DSCAML1: variants seen among roughly 807,000 people sequenced by gnomAD.
DSCAML1 encodes the protein DS cell adhesion molecule like 1.
DSCAML1 carries 38 observed loss-of-function variants against 200.5 expected under a neutral mutation model. The observed-to-expected ratio is 0.19, with a 90% confidence interval of 0.15 to 0.25. The LOEUF is 0.25. Ranked by LOEUF, DSCAML1 falls within the 10% of genes least tolerant of loss-of-function variation. DSCAML1 has a pLI of 1.00. For missense variants in DSCAML1, 2,223 were observed against 2,858.8 expected (o/e 0.78, Z 5.07); for synonymous variants, 1,215 against 1,165.0 (o/e 1.04, Z -0.87).
At chr11:117,474,399 G>A (rs114005593) in intron 14 of DSCAML1, among the ~76,000 whole-genome samples, 2 of 152,094 alleles carry the variant, frequency 1.3e-5, no homozygotes, top group Non-Finnish European at 2.9e-5. Context: ...GGAATGGTTC[G>A]AGTTCTTCAA....
chr11:117,592,142 A>G (rs376173913), intron 3 of DSCAML1, among the ~76,000 whole-genome samples: 142 of 152,232 alleles, frequency 9.3e-4, no homozygotes, highest in African/African-American at 2.4e-3. Context: ...ACACTTGTCA[A>G]TGGGGCCCGC....
intron 3 of DSCAML1, among the ~76,000 whole-genome samples, chr11:117,565,976 A>C (rs1232217730): frequency 6.6e-6 from 1 of 152,142 alleles, no homozygotes; most frequent in Non-Finnish European, 1.5e-5. Context: ...CATCTCCGTG[A>C]CAAAGTGGGG....
rs571457027 is a variant in DSCAML1 at position 117,795,407 on chromosome 11, G to A, written c.46+1627C>T. On this transcript the variant is annotated intron_variant, in intron 1 of 32. Coordinates refer to ENST00000651296, the MANE Select transcript of DSCAML1 (RefSeq NM_020693.4). ...AAAGCTGCGAGCCGAGCCAGCCTGC[G>A]GGGGCGGAGGGAGGCAGGAAGAACC... 3.9e-5 allele frequency among the ~76,000 whole-genome samples: 6 copies of A among 152,266 alleles called. No individual in the cohort carries two copies. The East Asian group carries it at 5.8e-4, about 15-fold the overall frequency.
chr11:117,493,976 T>C (rs2049241716), intron 11 of DSCAML1, among the ~76,000 whole-genome samples: 1 of 152,172 alleles, frequency 6.6e-6, no homozygotes, highest in Non-Finnish European at 1.5e-5. Context: ...GTAATAATAA[T>C]AGCTAACATT....
intron 3 of DSCAML1, among the ~76,000 whole-genome samples, chr11:117,688,535 A>G (rs1167840851): frequency 3.3e-5 from 5 of 152,154 alleles, no homozygotes; most frequent in Non-Finnish European, 5.9e-5. Flanking sequence ...TGCAGCTCCT[A>G]TCTTTAAGGG....
intron 3 of DSCAML1, among the ~76,000 whole-genome samples, chr11:117,632,406 G>A (rs1043124021): frequency 6.6e-6 from 1 of 152,184 alleles, no homozygotes; most frequent in African/African-American, 2.4e-5. Flanking sequence ...TAAGCCTGTA[G>A]GCACCTGAAG....
intron 3 of DSCAML1, among the ~76,000 whole-genome samples, chr11:117,544,672 C>T (rs1176155334): frequency 6.6e-6 from 1 of 152,166 alleles, no homozygotes; most frequent in African/African-American, 2.4e-5. Flanking sequence ...ATTGTAAACC[C>T]TCAACTCAGT....
intron 3 of DSCAML1, among the ~76,000 whole-genome samples, chr11:117,587,555 G>A (rs1211510286): frequency 3.9e-5 from 6 of 152,132 alleles, no homozygotes; most frequent in East Asian, 1.9e-4. Flanking sequence ...CGCGGGGACT[G>A]CCCAGAAGAG....
chr11:117,442,182 AGT>A (rs3057894), intron 21 of DSCAML1, among the ~76,000 whole-genome samples: 12 of 150,394 alleles, frequency 8.0e-5, no homozygotes, highest in African/African-American at 1.5e-4. Context: ...TAGTGTGTAT[AGT>A]GTGTATGTGT....
chr11:117,786,913 G>C lies in DSCAML1; in HGVS notation c.47-6103C>G, dbSNP rs112075036. Reference sequence around the variant, plus strand: ...GGCATGGCAACCATTCGTAGGAGAGGTCATGGGTCTTCAGGGGAGCAGGGG... The same window carrying C: ...GGCATGGCAACCATTCGTAGGAGAGCTCATGGGTCTTCAGGGGAGCAGGGG... On this transcript the variant is annotated intron_variant, in intron 1 of 32. Coordinates refer to ENST00000651296, the MANE Select transcript of DSCAML1 (RefSeq NM_020693.4). Among the ~76,000 whole-genome samples the C allele has an allele frequency of 1.4e-3, 216 of 152,262 alleles. 1 individual carries two copies. The highest frequency in any genetic ancestry group is 5.1e-3 in the African/African-American group (212 of 41,516).
At chr11:117,530,075 CG>C (rs565906425) in intron 4 of DSCAML1, among the ~76,000 whole-genome samples, 89 of 152,198 alleles carry the variant, frequency 5.8e-4, no homozygotes, top group Middle Eastern at 3.4e-3. Context: ...CTCTTTGTGC[CG>C]GGGCCTCTCT....
At chr11:117,728,371 C>T (rs974833222) in intron 3 of DSCAML1, among the ~76,000 whole-genome samples, 2 of 152,172 alleles carry the variant, frequency 1.3e-5, no homozygotes, top group Non-Finnish European at 2.9e-5. Context: ...AAATCAGGAA[C>T]AAAACGAGGA....
At chr11:117,433,865 G>A (rs1231540397) in intron 27 of DSCAML1, among the ~76,000 whole-genome samples, 2 of 152,180 alleles carry the variant, frequency 1.3e-5, no homozygotes, top group Non-Finnish European at 2.9e-5. Flanking sequence ...GAGAGTGGAG[G>A]ATGTAGTAGA....
At chr11:117,619,797 C>CA (rs2051888411) in intron 3 of DSCAML1, among the ~76,000 whole-genome samples, 1 of 152,116 alleles carries the variant, frequency 6.6e-6, no homozygotes, top group African/African-American at 2.4e-5. Flanking sequence ...TAGCAGGTCA[C>CA]AGGGCACCTT....
intron 3 of DSCAML1, among the ~76,000 whole-genome samples, chr11:117,749,994 A>AG (rs2054580004): frequency 6.6e-6 from 1 of 152,230 alleles, no homozygotes; most frequent in African/African-American, 2.4e-5. Flanking sequence ...TCGACATATT[A>AG]GGATTTGATC....
intron 3 of DSCAML1, among the ~76,000 whole-genome samples, chr11:117,592,333 G>A (rs1027018703): frequency 3.9e-5 from 6 of 152,122 alleles, no homozygotes; most frequent in Admixed American, 3.9e-4. Context: ...TCGCCAGTCT[G>A]CCTCCCATTG....
intron 3 of DSCAML1, among the ~76,000 whole-genome samples, chr11:117,686,517 G>C (rs2053402710): frequency 6.6e-6 from 1 of 152,212 alleles, no homozygotes; most frequent in South Asian, 2.1e-4. Flanking sequence ...CCTGGTCCCT[G>C]CCCTACACTG....
intron 3 of DSCAML1, among the ~76,000 whole-genome samples, chr11:117,600,761 C>T (rs1286685023): frequency 2.0e-5 from 3 of 152,190 alleles, no homozygotes; most frequent in African/African-American, 7.2e-5. Flanking sequence ...GAGATGGCAG[C>T]TTCCTTTCTC....
rs900249675 is a variant in DSCAML1 at position 117,463,735 on chromosome 11, C to T, written c.3265+1207G>A. 2.6e-5 allele frequency among the ~76,000 whole-genome samples: 4 copies of T among 152,320 alleles called. No individual in the cohort carries two copies. Among genetic ancestry groups the T allele is most frequent in the Middle Eastern group, 3.4e-3 (1 of 294 alleles). On this transcript the variant is annotated intron_variant, in intron 17 of 32. Coordinates refer to ENST00000651296, the MANE Select transcript of DSCAML1 (RefSeq NM_020693.4). This position sits in a 1 kb window ranked among gnomAD's most constrained non-coding sequence, Gnocchi z 4.0. ...TCCCTCCCCCTGGACTTCTCTGCCA[C>T]GTGCCTCTTTCCTTCTTTCAGTTCT...
Sources: allele counts gnomAD v4.1 joint callset (sites outside exome capture counted in the v4.1 genomes callset), GRCh38; gene constraint gnomAD v4.1.1; non-coding constraint Gnocchi (gnomAD v3.1); transcripts MANE v1.5; gene names NCBI Gene and HGNC (gene_info 2026-07-23, HGNC 2026-07-21).